Variants in PCLO observed in about 807,000 individuals in gnomAD.
The protein encoded by PCLO is piccolo presynaptic cytomatrix protein.
Under a neutral mutation model 427.5 loss-of-function variants are expected in PCLO, and 82 were observed. The ratio of observed to expected loss-of-function variants is 0.19; its 90% CI spans 0.16 to 0.23. PCLO has a LOEUF of 0.23. Ranked by LOEUF, PCLO falls within the 10% of genes least tolerant of loss-of-function variation. The probability of loss-of-function intolerance (pLI) is 1.00; values close to 1 mark genes in which losing one functional copy is unlikely to be tolerated. For synonymous variants in PCLO, 2,357 were observed against 2,155.4 expected, an observed-to-expected ratio of 1.09 and a Z score of -2.59; for missense variants, 6,239 against 6,115.9, an observed-to-expected ratio of 1.02 and a Z score of -0.67.
intron 22 of PCLO, among the ~76,000 whole-genome samples, chr7:82,768,133 T>C (rs1345700679): frequency 1.3e-5 from 2 of 152,024 alleles, no homozygotes; most frequent in Admixed American, 6.6e-5. Flanking sequence ...AATTAAAACA[T>C]AGTATTAGGC....
intron 6 of PCLO, among the ~76,000 whole-genome samples, chr7:82,927,855 T>C (rs988265750): frequency 6.6e-6 from 1 of 152,160 alleles, no homozygotes; most frequent in African/African-American, 2.4e-5. Context: ...TAATTTTAGC[T>C]AGGATATATA....
intron 10 of PCLO, among the ~76,000 whole-genome samples, chr7:82,865,119 T>C (rs1793060593): frequency 6.6e-6 from 1 of 152,116 alleles, no homozygotes; most frequent in South Asian, 2.1e-4. Context: ...CTGTGGCTCT[T>C]GGCTGCCTTT....
chr7:83,029,862 C>T (rs906825686), intron 3 of PCLO, among the ~76,000 whole-genome samples: 6 of 146,154 alleles, frequency 4.1e-5, no homozygotes, highest in Non-Finnish European at 7.5e-5. Flanking sequence ...ATCGCAAGAA[C>T]AAAAAACCAA....
At position 82,754,089 on chromosome 7, in the gene PCLO, A is replaced by G. The variant is rs1790269325; in HGVS notation, c.*4486T>C. ...CAGTTTACATAAGTTATCAAGATAC[A>G]TCTTGTATACAATCACAAAACCAAG... On this transcript the variant is annotated 3_prime_UTR_variant, in exon 25 of 25. Transcript: ENST00000333891. The G allele has an allele frequency of 6.6e-6, 1 of 152,304 alleles. No individual in the cohort carries two copies. Among genetic ancestry groups the G allele is most frequent in the Non-Finnish European group, 1.5e-5 (1 of 68,004 alleles). The allele number at this position is 152,304 out of a possible 1,614,324, so 9.4% of individuals were successfully genotyped here.
In PCLO at chr7:82,952,666, C is replaced by T. The variant is rs771752484; in HGVS notation, c.8287G>A (p.Val2763Ile). 19 of 1,613,842 alleles carry T rather than the reference C, an allele frequency of 1.2e-5. No individual in the cohort carries two copies. Among genetic ancestry groups the T allele is most frequent in the South Asian group, 4.4e-5 (4 of 91,088 alleles). ...DVKRQITANE[V>I]YGKQISAVQP... ...ACAGCACTAATTTGTTTCCCATAAA[C>T]TTCATTTGCTGTGATCTGCCTTTTC... Residue 2763 changes from valine (V) to isoleucine (I), a missense_variant, in exon 5 of 25, where the codon GTT (valine) becomes ATT (isoleucine). Physicochemically the swap from Val to Ile is conservative, Grantham distance 29. This residue lies in a region of PCLO where 4,677 missense variants were observed against 4,468.4 expected (regional missense o/e 1.05). Coordinates refer to ENST00000333891, the MANE Select transcript of PCLO (RefSeq NM_033026.6).
At chr7:82,824,147 T>C in intron 19 of PCLO, 89 bp downstream of exon 19, 4 of 836,678 alleles carry the variant, frequency 4.8e-6, no homozygotes, top group Non-Finnish European at 7.3e-6. Flanking sequence ...TCTATTAATA[T>C]AGGTTAAATG....
intron 22 of PCLO, among the ~76,000 whole-genome samples, chr7:82,796,386 C>T (rs922869045): frequency 6.6e-6 from 1 of 152,100 alleles, no homozygotes; most frequent in African/African-American, 2.4e-5. Context: ...GCACCCTTTG[C>T]TCTAGCTTCA....
At chr7:82,948,244 C>G (rs1324461549) in intron 6 of PCLO, among the ~76,000 whole-genome samples, 1 of 151,676 alleles carries the variant, frequency 6.6e-6, no homozygotes, top group Non-Finnish European at 1.5e-5. Flanking sequence ...CAGCTATTAC[C>G]TCCCTCCTTG....
At chr7:82,961,744 A>G (rs866035186) in intron 4 of PCLO, among the ~76,000 whole-genome samples, 6 of 152,222 alleles carry the variant, frequency 3.9e-5, no homozygotes, top group Admixed American at 6.5e-5. Context: ...TGAGGCAACC[A>G]ACTATAAAGA....
chr7:82,793,973 C>T (rs74782667), intron 22 of PCLO, among the ~76,000 whole-genome samples: 10,773 of 152,188 alleles, frequency 0.071, 552 homozygotes, highest in African/African-American at 0.14. Flanking sequence ...TTTACCCTTA[C>T]ACTTGATGGA....
intron 3 of PCLO, among the ~76,000 whole-genome samples, chr7:83,102,031 G>A (rs532856271): frequency 1.3e-5 from 2 of 152,048 alleles, no homozygotes; most frequent in Admixed American, 6.6e-5. Context: ...TGGGGAAAAC[G>A]TTTTTGTTAG....
chr7:83,087,852 T>C (rs1790277438), intron 3 of PCLO, among the ~76,000 whole-genome samples: 1 of 152,246 alleles, frequency 6.6e-6, no homozygotes, highest in East Asian at 1.9e-4. Context: ...GCTAATGTAG[T>C]TTTTAAAAAT....
chr7:83,000,457 T>A (rs1244652271), intron 3 of PCLO, among the ~76,000 whole-genome samples: 1 of 152,006 alleles, frequency 6.6e-6, no homozygotes, highest in African/African-American at 2.4e-5. Flanking sequence ...AGACCAGATG[T>A]CCCCTAACTT....
intron 22 of PCLO, among the ~76,000 whole-genome samples, chr7:82,770,160 A>G (rs1169506654): frequency 1.3e-5 from 2 of 152,096 alleles, no homozygotes; most frequent in African/African-American, 4.8e-5. Context: ...CAAATGCCAA[A>G]ATTACAAAGG....
chr7:82,822,686 A>C lies in PCLO; in HGVS notation c.14600T>G (p.Met4867Arg). The C allele has an allele frequency of 6.2e-7, 1 of 1,612,626 alleles. No homozygotes were observed. Reference protein sequence around the residue: ...HGIFPDPSKDMQVPTIEKSHS... With the variant: ...HGIFPDPSKDRQVPTIEKSHS... ...GGATTTCTCAATGGTGGGAACCTGCATGTCTGGTCACAAAAGGGTAAAACA... is the reference window on the plus strand; with the variant it reads ...GGATTTCTCAATGGTGGGAACCTGCCTGTCTGGTCACAAAAGGGTAAAACA... Residue 4867 changes from methionine to arginine, a missense_variant, in exon 20 of 25, where the codon ATG becomes AGG. Coordinates refer to ENST00000333891, the MANE Select transcript of PCLO (RefSeq NM_033026.6).
intron 10 of PCLO, among the ~76,000 whole-genome samples, chr7:82,863,806 T>A (rs1000726720): frequency 2.0e-5 from 3 of 152,084 alleles, no homozygotes; most frequent in African/African-American, 7.2e-5. Context: ...AGGGTTTTCA[T>A]ATGTATACCA....
intron 22 of PCLO, among the ~76,000 whole-genome samples, chr7:82,762,891 C>T (rs954847177): frequency 7.2e-5 from 11 of 151,922 alleles, no homozygotes; most frequent in Non-Finnish European, 1.5e-4. Flanking sequence ...ATCCTCCTGC[C>T]TTGGCCTTAC....
intron 20 of PCLO, among the ~76,000 whole-genome samples, chr7:82,811,752 T>C (rs1170227758): frequency 1.3e-5 from 2 of 151,518 alleles, no homozygotes; most frequent in African/African-American, 4.8e-5. Flanking sequence ...ATAGAGCTAT[T>C]TGTAGTTTTC....
chr7:83,082,726 T>C (rs570240093), intron 3 of PCLO, among the ~76,000 whole-genome samples: 15 of 151,866 alleles, frequency 9.9e-5, no homozygotes, highest in African/African-American at 3.6e-4. Context: ...TTACACATTA[T>C]AAGCTTGTAT....
Sources: gnomAD v4.1 joint callset for allele counts (sites outside exome capture counted in the v4.1 genomes callset) on GRCh38, gnomAD v4.1.1 for gene constraint, gnomAD v4.1.1 regional missense constraint, MANE v1.5 for transcripts, NCBI Gene and HGNC (gene_info 2026-07-23, HGNC 2026-07-21) for gene names.